Variants in PTPRD observed in about 807,000 individuals in gnomAD.
PTPRD encodes protein tyrosine phosphatase receptor type D.
PTPRD carries 34 observed loss-of-function variants against 214.5 expected under a neutral mutation model. The observed-to-expected ratio is 0.16, with a 90% CI of 0.12 to 0.21. The LOEUF is 0.21. Among genes scored for constraint, PTPRD ranks in the 10% least tolerant of loss-of-function variants. The probability of loss-of-function intolerance (pLI) is 1.00; values close to 1 mark genes in which losing one functional copy is unlikely to be tolerated. For missense variants in PTPRD, 2,545 were observed against 2,398.7 expected, an observed-to-expected ratio of 1.06 and a Z score of -1.27; for synonymous variants, 1,128 against 845.7, an observed-to-expected ratio of 1.33 and a Z score of -5.79.
chr9:9,593,311 T>G (rs1205255367), intron 7 of PTPRD, among the ~76,000 whole-genome samples: 15 of 151,042 alleles, frequency 9.9e-5, no homozygotes, highest in African/African-American at 3.4e-4. Context: ...TTTTTTTTTT[T>G]GCTTGCTTTT....
chr9:8,328,464 TC>T (rs1303520826), intron 44 of PTPRD, among the ~76,000 whole-genome samples: 1 of 152,170 alleles, frequency 6.6e-6, no homozygotes, highest in Middle Eastern at 3.2e-3. Context: ...TTCCTTCGTT[TC>T]AAGCTTGGTG....
chr9:10,571,100 C>T (rs2067294819), intron 2 of PTPRD, among the ~76,000 whole-genome samples: 1 of 151,874 alleles, frequency 6.6e-6, no homozygotes, highest in Non-Finnish European at 1.5e-5. Flanking sequence ...ATATGAATGG[C>T]ATTATATATG....
In PTPRD at chr9:10,321,924, G is replaced by A. The variant is rs1057484452; in HGVS notation, c.-545+19039C>T. Among the ~76,000 whole-genome samples the A allele has an allele frequency of 2.0e-5, 3 of 151,908 alleles. No homozygotes were observed. In the East Asian group the frequency reaches 5.8e-4, roughly 30 times the overall value. Reference sequence around the variant, plus strand: ...ACTTTGAAATGAATGTGTCAAAAAAGCCAGGAAGGAAGATTTATTAGTTAG... The same window carrying A: ...ACTTTGAAATGAATGTGTCAAAAAAACCAGGAAGGAAGATTTATTAGTTAG... On this transcript the variant is annotated intron_variant, in intron 3 of 45. Coordinates refer to ENST00000381196, the MANE Select transcript of PTPRD (RefSeq NM_002839.4).
At chr9:9,770,810 G>T (rs185664194) in intron 5 of PTPRD, among the ~76,000 whole-genome samples, 106 of 152,234 alleles carry the variant, frequency 7.0e-4, no homozygotes, top group African/African-American at 2.5e-3. Context: ...TAGAGCCAAA[G>T]AAGTATATTG....
chr9:10,122,417 C>G (rs569635482), intron 3 of PTPRD, among the ~76,000 whole-genome samples: 1 of 152,056 alleles, frequency 6.6e-6, no homozygotes, highest in African/African-American at 2.4e-5. Context: ...TCAAATAGAT[C>G]TAGAAATTAA....
intron 10 of PTPRD, among the ~76,000 whole-genome samples, chr9:9,135,184 G>A (rs546542155): frequency 2.6e-5 from 4 of 152,314 alleles, no homozygotes; most frequent in South Asian, 4.1e-4. Context: ...GCAGAACTGA[G>A]AGAGGACTCA....
At chr9:8,322,542 T>C (rs1370556239) in intron 44 of PTPRD, among the ~76,000 whole-genome samples, 1 of 152,194 alleles carries the variant, frequency 6.6e-6, no homozygotes, top group East Asian at 1.9e-4. Context: ...CTCTCTTCAA[T>C]TCTATGAAGG....
At chr9:9,509,616 A>G (rs145739837) in intron 8 of PTPRD, among the ~76,000 whole-genome samples, 28 of 151,680 alleles carry the variant, frequency 1.8e-4, no homozygotes, top group African/African-American at 6.3e-4. Flanking sequence ...TAGACCATCA[A>G]GGAGATAGAT....
chr9:9,420,837 A>G (rs1274297255), intron 8 of PTPRD, among the ~76,000 whole-genome samples: 2 of 152,000 alleles, frequency 1.3e-5, no homozygotes, highest in Non-Finnish European at 2.9e-5. Flanking sequence ...TCACTTATGT[A>G]TCTATATATT....
At chr9:10,544,510 A>C (rs2130803654) in intron 2 of PTPRD, among the ~76,000 whole-genome samples, 1 of 152,276 alleles carries the variant, frequency 6.6e-6, no homozygotes, top group Middle Eastern at 3.4e-3. Context: ...GTCTCTCAAT[A>C]ATGGGATAAA....
At chr9:8,460,316 CT>C (rs1224350048) in intron 33 of PTPRD, 94 bp downstream of exon 33, 2 of 1,445,634 alleles carry the variant, frequency 1.4e-6, no homozygotes, top group Admixed American at 3.5e-5. Context: ...AGTATTTCTA[CT>C]AAAATCAACC....
At chr9:9,590,117 C>G (rs1214888514) in intron 7 of PTPRD, among the ~76,000 whole-genome samples, 2 of 151,970 alleles carry the variant, frequency 1.3e-5, no homozygotes, top group African/African-American at 4.8e-5. Flanking sequence ...GTTGGCTAAA[C>G]ACATTATGCC....
intron 10 of PTPRD, among the ~76,000 whole-genome samples, chr9:9,170,498 G>T (rs532058782): frequency 5.1e-4 from 77 of 152,212 alleles, no homozygotes; most frequent in African/African-American, 1.8e-3. Flanking sequence ...TAATAGCTGC[G>T]AGTGTTACTA....
chr9:8,565,882 G>C (rs754740969), intron 14 of PTPRD, among the ~76,000 whole-genome samples: 1 of 152,118 alleles, frequency 6.6e-6, no homozygotes, highest in Non-Finnish European at 1.5e-5. Flanking sequence ...TACAGAAATA[G>C]AAAGTTGCAG....
At chr9:10,221,931 T>A (rs933787530) in intron 3 of PTPRD, among the ~76,000 whole-genome samples, 4 of 151,908 alleles carry the variant, frequency 2.6e-5, no homozygotes, top group Non-Finnish European at 5.9e-5. Context: ...TTGAAACAAA[T>A]CTTATAACAA....
chr9:9,378,162 C>G (rs1259393748), intron 9 of PTPRD, among the ~76,000 whole-genome samples: 1 of 152,070 alleles, frequency 6.6e-6, no homozygotes, highest in East Asian at 1.9e-4. Context: ...AGTAGTTTCA[C>G]CACCCCAAAA....
At chr9:10,210,105 C>CA (rs1427581014) in intron 3 of PTPRD, among the ~76,000 whole-genome samples, 2 of 152,070 alleles carry the variant, frequency 1.3e-5, no homozygotes, top group Non-Finnish European at 2.9e-5. Context: ...TTCATTTCTA[C>CA]AAATTAAAAA....
At chr9:9,959,593 G>C (rs1045439903) in intron 4 of PTPRD, among the ~76,000 whole-genome samples, 2 of 152,162 alleles carry the variant, frequency 1.3e-5, no homozygotes, top group Non-Finnish European at 1.5e-5. Context: ...TCACTGAAGA[G>C]AATGAGGTAG....
At chr9:8,695,432 G>A (rs1330075835) in intron 12 of PTPRD, among the ~76,000 whole-genome samples, 2 of 146,640 alleles carry the variant, frequency 1.4e-5, no homozygotes, top group Non-Finnish European at 3.0e-5. Flanking sequence ...GGTTACTATA[G>A]AATGAGAGTA....
Sources: allele counts gnomAD v4.1 joint callset (sites outside exome capture counted in the v4.1 genomes callset), GRCh38; gene constraint gnomAD v4.1.1; transcripts MANE v1.5; gene names NCBI Gene and HGNC (gene_info 2026-07-23, HGNC 2026-07-21).